The following CKMT2 variants were observed in gnomAD, a reference collection of about 807,000 sequenced individuals.
CKMT2 encodes the protein creatine kinase S-type, mitochondrial.
In CKMT2, 43 loss-of-function variants were observed where a neutral mutation model predicts 48.9. That is an observed-to-expected ratio of 0.88 (90% CI 0.69 to 1.13). The LOEUF (loss-of-function observed/expected upper bound fraction) is 1.13, where lower values mean the gene tolerates loss of function less well. Among genes scored for constraint, CKMT2 ranks in the 50% most tolerant of loss-of-function variants. The pLI is 0.00. For missense variants in CKMT2, 472 were observed against 555.4 expected, an observed-to-expected ratio of 0.85 and a Z score of 1.51; for synonymous variants, 206 against 213.0, an observed-to-expected ratio of 0.97 and a Z score of 0.29.
At chr5:81,242,185 C>G (rs1054006504) in intron 1 of CKMT2, 8 of 244,818 alleles carry the variant, frequency 3.3e-5, no homozygotes, top group African/African-American at 1.8e-4. Context: ...CAGGTACATG[C>G]TCAAAACCAG....
rs986440785 is a variant in CKMT2 at position 81,233,351 on chromosome 5, C to G, written c.-47C>G. On this transcript the variant is annotated 5_prime_UTR_variant, in exon 1 of 10. Transcript: ENST00000254035. Reference sequence around the variant, plus strand: ...ACACTTCTTGGCTGTGTGCGCTCAGCAGGACGTGGGAGGCTCCGGCTTCAA... The same window carrying G: ...ACACTTCTTGGCTGTGTGCGCTCAGGAGGACGTGGGAGGCTCCGGCTTCAA... 1.0e-6 allele frequency: 1 copy of G among 985,590 alleles called. No homozygotes were observed. The highest frequency in any genetic ancestry group is 1.2e-6 in the Non-Finnish European group (1 of 830,154). 61.1% of individuals were successfully genotyped at this position (985,590 alleles called of 1,614,324 possible). A position where few individuals can be genotyped will look rare whatever the true frequency, so the allele number is the denominator to read the frequency against.
intron 8 of CKMT2, among the ~76,000 whole-genome samples, chr5:81,259,755 T>C (rs1757144770): frequency 6.6e-6 from 1 of 152,196 alleles, no homozygotes; most frequent in Admixed American, 6.5e-5. Flanking sequence ...CAATGAGACT[T>C]AGACTCCCAC....
At chr5:81,246,365 C>T (rs969242359) in intron 1 of CKMT2, among the ~76,000 whole-genome samples, 2 of 152,028 alleles carry the variant, frequency 1.3e-5, no homozygotes, top group Non-Finnish European at 2.9e-5. Flanking sequence ...TGTCCTGGGA[C>T]AAGTCCAGAT....
intron 8 of CKMT2, among the ~76,000 whole-genome samples, chr5:81,261,984 C>T (rs1757240284): frequency 6.6e-6 from 1 of 152,022 alleles, no homozygotes; most frequent in African/African-American, 2.4e-5. Context: ...GTACTTGTAC[C>T]AAAACAAATA....
At chr5:81,245,303 C>T (rs77150126) in intron 1 of CKMT2, 2,155 of 152,310 alleles carry the variant, frequency 0.014, 17 homozygotes, top group South Asian at 0.03. Context: ...GGAAGGAACA[C>T]GAGGTGGAGT....
intron 1 of CKMT2, 131 bp from the exon 2 acceptor site, chr5:81,250,982 A>ACACACACACACACACACACAC (rs1554045839): frequency 7.2e-6 from 3 of 415,412 alleles, no homozygotes; most frequent in Admixed American, 8.0e-5. Context: ...CACACACAGA[A>ACACACACACACACACACACAC]AGAGAGAGAG....
intron 1 of CKMT2, 62 bp from the exon 2 acceptor site, chr5:81,251,051 C>T: frequency 7.5e-7 from 1 of 1,329,624 alleles, no homozygotes; most frequent in Non-Finnish European, 1.1e-6. Flanking sequence ...GCCCATTGAC[C>T]CCTATGTTGT....
chr5:81,251,088 C>G (rs1236956315), intron 1 of CKMT2, 25 bp from the exon 2 acceptor site: 1 of 1,599,702 alleles, frequency 6.3e-7, no homozygotes, highest in Non-Finnish European at 8.5e-7. Context: ...ATGAAGCTAT[C>G]TAATCCAGCT....
intron 8 of CKMT2, among the ~76,000 whole-genome samples, chr5:81,260,384 G>A (rs1189287709): frequency 6.6e-6 from 1 of 152,120 alleles, no homozygotes; most frequent in Non-Finnish European, 1.5e-5. Context: ...CAGAACTGAA[G>A]GAGATAGAGA....
chr5:81,251,011 AAG>A, intron 1 of CKMT2, 100 bp from the exon 2 acceptor site: 1 of 767,144 alleles, frequency 1.3e-6, no homozygotes. Context: ...AGACACCGGA[AAG>A]AGAGGCTATG....
At chr5:81,255,706 T>C (rs1330892703) in intron 5 of CKMT2, among the ~76,000 whole-genome samples, 1 of 152,054 alleles carries the variant, frequency 6.6e-6, no homozygotes, top group African/African-American at 2.4e-5. Context: ...TTCCACCATG[T>C]CTACCACGGC....
chr5:81,260,795 A>G (rs1757195523), intron 8 of CKMT2, among the ~76,000 whole-genome samples: 1 of 152,248 alleles, frequency 6.6e-6, no homozygotes, highest in South Asian at 2.1e-4. Flanking sequence ...TACAAAGAGG[A>G]GCTGGTACCA....
rs755090345 is a variant in CKMT2 at position 81,266,294 on chromosome 5, C to A, written c.*36C>A. ...TCCCAATTTATAAATAATCTGTCTG[C>A]TGGTACGACAGACATAAATCTCTAC... is the stretch of plus-strand genomic sequence containing the variant. On this transcript the variant is annotated 3_prime_UTR_variant, in exon 10 of 10. Transcript: ENST00000254035. The A allele has an allele frequency of 9.4e-6, 15 of 1,601,174 alleles. No homozygotes were observed. Among genetic ancestry groups the A allele is most frequent in the Non-Finnish European group, 3.4e-6 (4 of 1,169,984 alleles).
chr5:81,251,369 C>A (rs1422509783), intron 2 of CKMT2, 85 bp downstream of exon 2: 7 of 1,428,602 alleles, frequency 4.9e-6, no homozygotes, highest in Admixed American at 1.8e-5. Context: ...GGCCAGATCA[C>A]GAGGTCAAGA....
chr5:81,241,322 A>G (rs1296496447), intron 1 of CKMT2, among the ~76,000 whole-genome samples: 3 of 152,228 alleles, frequency 2.0e-5, no homozygotes, highest in African/African-American at 7.2e-5. Flanking sequence ...CCTTTTTCTT[A>G]GAGCATTTCC....
At chr5:81,257,140 A>C in intron 6 of CKMT2, 140 bp downstream of exon 6, 11 of 521,308 alleles carry the variant, frequency 2.1e-5, no homozygotes, top group East Asian at 3.7e-5. Flanking sequence ...ACTACTTGGA[A>C]AGTGTGTGTG....
At chr5:81,259,005 T>TTAA in intron 7 of CKMT2, 115 bp from the exon 8 acceptor site, 1 of 1,002,990 alleles carries the variant, frequency 1.0e-6, no homozygotes, top group South Asian at 2.0e-5. Context: ...TAAATTTACC[T>TTAA]TAATTTCATT....
chr5:81,234,107 T>G (rs1373071463), intron 1 of CKMT2, among the ~76,000 whole-genome samples: 1 of 132,160 alleles, frequency 7.6e-6, no homozygotes, highest in African/African-American at 2.9e-5. Flanking sequence ...CTAGCTTGCT[T>G]GCTTGGTTGG....
At chr5:81,249,770 T>A (rs1756740765) in intron 1 of CKMT2, among the ~76,000 whole-genome samples, 1 of 152,196 alleles carries the variant, frequency 6.6e-6, no homozygotes, top group Non-Finnish European at 1.5e-5. Flanking sequence ...TTTGAAAAAA[T>A]GGTTAGACTA....
Sources: allele counts gnomAD v4.1 joint callset (sites outside exome capture counted in the v4.1 genomes callset), GRCh38; gene constraint gnomAD v4.1.1; transcripts MANE v1.5; gene names NCBI Gene and HGNC (gene_info 2026-07-23, HGNC 2026-07-21).